SATB2: variants seen among roughly 807,000 people sequenced by gnomAD.
SATB2 encodes the protein SATB homeobox 2.
In SATB2, 1 loss-of-function variant was observed where a neutral mutation model predicts 73.4. The observed-to-expected ratio is 0.01, with a 90% CI of 0.00 to 0.06. The LOEUF is 0.06. Ranked by LOEUF, SATB2 falls within the 10% of genes least tolerant of loss-of-function variation. The pLI is 1.00. For synonymous variants in SATB2, 397 were observed against 367.0 expected (o/e 1.08, Z -0.93); for missense variants, 459 against 945.8 (o/e 0.49, Z 6.75).
chr2:199,434,425 C>T (rs1483747288), intron 2 of SATB2, among the ~76,000 whole-genome samples: 1 of 152,068 alleles, frequency 6.6e-6, no homozygotes, highest in Non-Finnish European at 1.5e-5. Context: ...GTTTAATTCA[C>T]CAAAGATTTT....
At chr2:199,440,538 A>C (rs1691785741) in intron 2 of SATB2, among the ~76,000 whole-genome samples, 1 of 152,172 alleles carries the variant, frequency 6.6e-6, no homozygotes, top group Non-Finnish European at 1.5e-5. Flanking sequence ...AAATTTCACC[A>C]ATTTTAAAGG....
chr2:199,289,150 A>G (rs1448444608), intron 10 of SATB2, among the ~76,000 whole-genome samples: 1 of 152,194 alleles, frequency 6.6e-6, no homozygotes, highest in East Asian at 1.9e-4. Context: ...TTAATTCATT[A>G]TGGGAATATT....
chr2:199,353,148 CTTTT>C (rs11369554), intron 6 of SATB2, among the ~76,000 whole-genome samples: 7 of 88,014 alleles, frequency 8.0e-5, no homozygotes, highest in African/African-American at 1.8e-4. Flanking sequence ...ACGTTTTTGT[CTTTT>C]TTTTTTTTTT....
chr2:199,303,383 G>A (rs1263862339), intron 10 of SATB2, among the ~76,000 whole-genome samples: 1 of 152,156 alleles, frequency 6.6e-6, no homozygotes, highest in Non-Finnish European at 1.5e-5. Context: ...GGCAGGGGCG[G>A]AGGAAGAAGG....
intron 7 of SATB2, among the ~76,000 whole-genome samples, chr2:199,340,964 G>A (rs1688489432): frequency 2.3e-5 from 2 of 88,710 alleles, no homozygotes; most frequent in African/African-American, 5.2e-5. Context: ...ATAAATTAGA[G>A]AATAGTTTAT....
chr2:199,396,608 G>A (rs1403152212), intron 3 of SATB2: 1 of 152,180 alleles, frequency 6.6e-6, no homozygotes, highest in East Asian at 1.9e-4. Flanking sequence ...AAGTGAGGAT[G>A]GAGGAAATCA....
At chr2:199,426,524 T>G (rs1691332584) in intron 3 of SATB2, among the ~76,000 whole-genome samples, 1 of 151,960 alleles carries the variant, frequency 6.6e-6, no homozygotes, top group Admixed American at 6.6e-5. Flanking sequence ...CTCAAACTCC[T>G]GAGCTCAGGT....
At chr2:199,398,897 G>A (rs560939266) in intron 3 of SATB2, among the ~76,000 whole-genome samples, 2 of 152,228 alleles carry the variant, frequency 1.3e-5, no homozygotes, top group South Asian at 2.1e-4. Flanking sequence ...TAACTCCTAC[G>A]AGCTAAGTAA....
At chr2:199,291,252 C>T (rs536643926) in intron 10 of SATB2, among the ~76,000 whole-genome samples, 6 of 152,198 alleles carry the variant, frequency 3.9e-5, no homozygotes, top group African/African-American at 7.2e-5. Flanking sequence ...TCCAACACCA[C>T]ATATTCCAAA....
chr2:199,411,441 A>G (rs1040546411), intron 3 of SATB2, among the ~76,000 whole-genome samples: 3 of 152,192 alleles, frequency 2.0e-5, no homozygotes, highest in Admixed American at 2.0e-4. Context: ...ACATTTTTTC[A>G]ACGAATACTA....
At chr2:199,284,409 C>G (rs1438340947) in intron 10 of SATB2, among the ~76,000 whole-genome samples, 1 of 152,142 alleles carries the variant, frequency 6.6e-6, no homozygotes, top group Non-Finnish European at 1.5e-5. Context: ...CATTAAGAAA[C>G]TACCACTTGT....
chr2:199,394,703 A>G (rs1391227379), intron 3 of SATB2, among the ~76,000 whole-genome samples: 1 of 152,178 alleles, frequency 6.6e-6, no homozygotes, highest in African/African-American at 2.4e-5. Context: ...CAGGGGGCTG[A>G]CAGAGTGAGA....
At chr2:199,399,766 C>T (rs372091240) in intron 3 of SATB2, among the ~76,000 whole-genome samples, 5 of 152,066 alleles carry the variant, frequency 3.3e-5, no homozygotes, top group South Asian at 2.1e-4. Context: ...CCAGATCTCA[C>T]GGTAACTCAC....
At position 199,349,118 on chromosome 2, in the gene SATB2, T is replaced by C. The variant is rs375364851; in HGVS notation, c.756A>G (p.Pro252=). The C allele has an allele frequency of 1.6e-5, 26 of 1,613,956 alleles. No individual in the cohort carries two copies. Among genetic ancestry groups the C allele is most frequent in the Non-Finnish European group, 1.9e-5 (23 of 1,179,978 alleles). ...GCTGGTTCATATTTGGTAAATGCAT[T>C]GGACGCTGGCCCAGAACACAATAGT... ...LSDYCVLGQR[P]MHLPNMNQLA... Residue 252 remains proline (P), a synonymous_variant, in exon 7 of 11, where the codon CCA becomes CCG. Coordinates refer to ENST00000417098, the MANE Select transcript of SATB2 (RefSeq NM_001172509.2).
chr2:199,461,159 A>T (rs1440416000), upstream of SATB2, among the ~76,000 whole-genome samples: 1 of 152,236 alleles, frequency 6.6e-6, no homozygotes, highest in African/African-American at 2.4e-5. Flanking sequence ...TTCCGATTTA[A>T]AGGAGAGTTC....
intron 10 of SATB2, among the ~76,000 whole-genome samples, chr2:199,298,626 A>C (rs1224736064): frequency 6.6e-6 from 1 of 152,122 alleles, no homozygotes; most frequent in Non-Finnish European, 1.5e-5. Flanking sequence ...ATTCTCAGAA[A>C]CGCAACTGGG....
upstream of SATB2, chr2:199,467,461 T>C (rs181620302): frequency 1.4e-4 from 21 of 152,374 alleles, no homozygotes; most frequent in African/African-American, 4.6e-4. Flanking sequence ...TTGTCATCAT[T>C]GGAAACCTCG....
chr2:199,411,421 C>A (rs910801732), intron 3 of SATB2, among the ~76,000 whole-genome samples: 6 of 152,096 alleles, frequency 3.9e-5, no homozygotes, highest in Admixed American at 6.5e-5. Flanking sequence ...GACTATTGCT[C>A]TATTTATTAA....
upstream of SATB2, among the ~76,000 whole-genome samples, chr2:199,467,036 C>G (rs1197466941): frequency 2.6e-5 from 4 of 152,256 alleles, no homozygotes; most frequent in Admixed American, 2.0e-4. Context: ...CCCGGCTGGC[C>G]GCCCAGGCTG....
Sources: allele counts gnomAD v4.1 joint callset (sites outside exome capture counted in the v4.1 genomes callset), GRCh38; gene constraint gnomAD v4.1.1; transcripts MANE v1.5; gene names NCBI Gene and HGNC (gene_info 2026-07-23, HGNC 2026-07-21).